The following TRPM7 variants were observed in gnomAD, a reference collection of about 807,000 sequenced individuals.
TRPM7 encodes LTRPC ion channel family member 7.
Under a neutral mutation model 229.7 loss-of-function variants are expected in TRPM7, and 134 were observed. The ratio of observed to expected loss-of-function variants is 0.58; its 90% CI spans 0.51 to 0.67. The LOEUF (loss-of-function observed/expected upper bound fraction) is 0.67. TRPM7 is among the 30% of genes least tolerant of loss of function. The probability of loss-of-function intolerance (pLI) is 0.00; values close to 1 mark genes in which losing one functional copy is unlikely to be tolerated. For synonymous variants in TRPM7, 699 were observed against 715.2 expected (o/e 0.98, Z 0.36); for missense variants, 1,901 against 2,210.0 (o/e 0.86, Z 2.80).
chr15:50,586,533 A>C (rs1178412564), intron 27 of TRPM7, 45 bp from the exon 28 acceptor site: 1 of 1,316,380 alleles, frequency 7.6e-7, no homozygotes, highest in Non-Finnish European at 1.1e-6. Context: ...AATTGAACTA[A>C]ATTTCAACCC....
chr15:50,600,420 G>C (rs1180234561), intron 21 of TRPM7, among the ~76,000 whole-genome samples: 2 of 147,890 alleles, frequency 1.4e-5, no homozygotes, highest in Non-Finnish European at 3.0e-5. Flanking sequence ...CTGGGAGACA[G>C]AGCGAGACTC....
At chr15:50,609,421 TGAC>T (rs1224362687) in intron 19 of TRPM7, among the ~76,000 whole-genome samples, 157 bp downstream of exon 19, 12 of 152,302 alleles carry the variant, frequency 7.9e-5, no homozygotes, top group African/African-American at 2.6e-4. Context: ...CTCTAGATGA[TGAC>T]AATTTAAATG....
chr15:50,627,131 T>A (rs1008044115), intron 11 of TRPM7, among the ~76,000 whole-genome samples: 6 of 106,898 alleles, frequency 5.6e-5, no homozygotes, highest in African/African-American at 1.6e-4. Flanking sequence ...TAACAAAACT[T>A]TAAGTGATTA....
chr15:50,565,427 AT>A (rs1445325783), intron 38 of TRPM7, among the ~76,000 whole-genome samples: 1 of 152,222 alleles, frequency 6.6e-6, no homozygotes, highest in Non-Finnish European at 1.5e-5. Context: ...GAAAACATTA[AT>A]CAAAAGATAG....
At chr15:50,602,343 T>C (rs530195336) in intron 21 of TRPM7, among the ~76,000 whole-genome samples, 19 of 151,692 alleles carry the variant, frequency 1.3e-4, no homozygotes, top group South Asian at 6.3e-4. Flanking sequence ...CGAGAACACT[T>C]GGACACAGGG....
intron 38 of TRPM7, 42 bp from the exon 39 acceptor site, chr15:50,561,850 A>G: frequency 1.4e-6 from 2 of 1,481,298 alleles, no homozygotes; most frequent in Non-Finnish European, 1.8e-6. Context: ...AAAAAGAAAG[A>G]GAAAAGAAAA....
chr15:50,594,684 T>G (rs2059590456), intron 23 of TRPM7, 71 bp from the exon 24 acceptor site: 1 of 1,016,294 alleles, frequency 9.8e-7, no homozygotes, highest in Admixed American at 3.0e-5. Flanking sequence ...TACTGATGAT[T>G]TCATTGTAAT....
intron 26 of TRPM7, among the ~76,000 whole-genome samples, chr15:50,589,885 TC>T (rs2059442610): frequency 7.7e-6 from 1 of 130,152 alleles, no homozygotes; most frequent in Non-Finnish European, 1.8e-5. Flanking sequence ...TGAGAACAAG[TC>T]TCGTTCTGTT....
rs1023453019 is a variant in TRPM7, at chr15:50,652,190, G to A, written c.123-3305C>T. On this transcript the variant is annotated intron_variant, in intron 3 of 38. Coordinates refer to ENST00000646667, the MANE Select transcript of TRPM7 (RefSeq NM_017672.6). ...TCTACTAAAAATACAAAACTTCACCGGGTGTGGTGGTGGGCGCCTGTAATG... is the reference window on the plus strand; with the variant it reads ...TCTACTAAAAATACAAAACTTCACCAGGTGTGGTGGTGGGCGCCTGTAATG... Among the ~76,000 whole-genome samples, 5 of 151,370 alleles carry A rather than the reference G, an allele frequency of 3.3e-5. No homozygotes were observed. In the East Asian group the frequency reaches 5.9e-4, roughly 18 times the overall value.
intron 25 of TRPM7, 59 bp downstream of exon 25, chr15:50,593,558 A>AT: frequency 6.5e-7 from 1 of 1,535,594 alleles, no homozygotes; most frequent in East Asian, 2.3e-5. Context: ...TGTATAAGAA[A>AT]TATAACGAAT....
chr15:50,585,210 C>T (rs1301758155), intron 28 of TRPM7, among the ~76,000 whole-genome samples: 3 of 152,024 alleles, frequency 2.0e-5, no homozygotes, highest in Non-Finnish European at 4.4e-5. Flanking sequence ...TACAGGCGCC[C>T]GCCACCGCGC....
chr15:50,610,913 T>C (rs533835797), intron 17 of TRPM7, among the ~76,000 whole-genome samples, 180 bp downstream of exon 17: 12 of 152,166 alleles, frequency 7.9e-5, no homozygotes, highest in Non-Finnish European at 1.8e-4. Flanking sequence ...AAAAGTTAAG[T>C]AGAGGAAAAA....
At chr15:50,593,320 A>G (rs549983572) in intron 25 of TRPM7, among the ~76,000 whole-genome samples, 2 of 151,816 alleles carry the variant, frequency 1.3e-5, no homozygotes, top group South Asian at 2.1e-4. Flanking sequence ...TAATAATAAT[A>G]ATGATGATAA....
chr15:50,570,222 G>A lies in TRPM7; in HGVS notation c.5309-67C>T, dbSNP rs1021067213. The A allele has an allele frequency of 1.1e-5, 13 of 1,140,114 alleles. No individual in the cohort carries two copies. The African/African-American group carries it at 1.3e-4, about 11-fold the overall frequency. The allele number at this position is 1,140,114 out of a possible 1,614,324, so 70.6% of individuals were successfully genotyped here. On this transcript the variant is annotated intron_variant, in intron 36 of 38. Coordinates refer to ENST00000646667, the MANE Select transcript of TRPM7 (RefSeq NM_017672.6). Reference sequence around the variant, plus strand: ...ATAATTGACATAAATACTGACATCTGCATAATAAAAATCATCTTAAGAGAT... The same window carrying A: ...ATAATTGACATAAATACTGACATCTACATAATAAAAATCATCTTAAGAGAT...
At chr15:50,620,091 G>C (rs1351108143) in intron 12 of TRPM7, among the ~76,000 whole-genome samples, 1 of 152,108 alleles carries the variant, frequency 6.6e-6, no homozygotes, top group African/African-American at 2.4e-5. Context: ...TAATGGCGCT[G>C]TACAATACCT....
chr15:50,569,600 T>C (rs1328078809), intron 38 of TRPM7, among the ~76,000 whole-genome samples: 2 of 152,172 alleles, frequency 1.3e-5, no homozygotes, highest in Admixed American at 6.5e-5. Context: ...CTAAACTCCA[T>C]GAGGGCAGAG....
intron 33 of TRPM7, 51 bp from the exon 34 acceptor site, chr15:50,575,186 C>G (rs372777242): frequency 1.4e-4 from 205 of 1,470,148 alleles, no homozygotes; most frequent in Non-Finnish European, 1.6e-4. Flanking sequence ...TTTTTAAAAA[C>G]GACAAAGTAA....
chr15:50,579,723 T>C (rs555436034), intron 30 of TRPM7, among the ~76,000 whole-genome samples: 9 of 152,348 alleles, frequency 5.9e-5, no homozygotes, highest in Non-Finnish European at 1.5e-5. Flanking sequence ...GAAACTCAAT[T>C]TGAGCAGCTG....
At chr15:50,652,264 C>T (rs1388118919) in intron 3 of TRPM7, among the ~76,000 whole-genome samples, 1 of 121,072 alleles carries the variant, frequency 8.3e-6, no homozygotes, top group Non-Finnish European at 1.6e-5. Flanking sequence ...ACCTGGGAGG[C>T]GGAGATTGCA....
Sources: allele counts gnomAD v4.1 joint callset (sites outside exome capture counted in the v4.1 genomes callset), GRCh38; gene constraint gnomAD v4.1.1; transcripts MANE v1.5; gene names NCBI Gene and HGNC (gene_info 2026-07-23, HGNC 2026-07-21).